The following TULP4 variants were observed in gnomAD, a reference collection of about 807,000 sequenced individuals.
TULP4 encodes TUB like protein 4.
In TULP4, 16 loss-of-function variants were observed where a neutral mutation model predicts 129.0. The ratio of observed to expected loss-of-function variants is 0.12; its 90% confidence interval spans 0.08 to 0.19. The LOEUF is 0.19. Among genes scored for constraint, TULP4 ranks in the 10% least tolerant of loss-of-function variants. The probability of loss-of-function intolerance (pLI) is 1.00; values close to 1 mark genes in which losing one functional copy is unlikely to be tolerated. For synonymous variants in TULP4, 998 were observed against 854.0 expected, an observed-to-expected ratio of 1.17 and a Z score of -2.94; for missense variants, 1,842 against 2,059.1, an observed-to-expected ratio of 0.89 and a Z score of 2.04.
intron 2 of TULP4, among the ~76,000 whole-genome samples, chr6:158,427,470 C>CTTTT (rs1251385882): frequency 1.7e-4 from 17 of 100,678 alleles, no homozygotes; most frequent in East Asian, 2.8e-4. Context: ...AATTATCAGA[C>CTTTT]CTTTTTTTTT....
At chr6:158,327,346 T>C (rs2128490268) in intron 1 of TULP4, among the ~76,000 whole-genome samples, 1 of 152,348 alleles carries the variant, frequency 6.6e-6, no homozygotes, top group Non-Finnish European at 1.5e-5. Flanking sequence ...GTGGAAACGA[T>C]GCTCTTCAGT....
chr6:158,407,028 C>G (rs548334225), intron 1 of TULP4, among the ~76,000 whole-genome samples: 2 of 152,320 alleles, frequency 1.3e-5, no homozygotes, highest in African/African-American at 4.8e-5. Flanking sequence ...TTCACAGATT[C>G]TTGCCAACCA....
At chr6:158,335,274 CAAAAAAAAA>C (rs61418142) in intron 1 of TULP4, among the ~76,000 whole-genome samples, 3 of 121,578 alleles carry the variant, frequency 2.5e-5, no homozygotes, top group East Asian at 2.3e-4. Flanking sequence ...GAGACTGTCT[CAAAAAAAAA>C]AAAAAAAAAA....
intron 1 of TULP4, among the ~76,000 whole-genome samples, chr6:158,244,301 A>G (rs565178922): frequency 1.3e-5 from 2 of 152,200 alleles, no homozygotes. Flanking sequence ...TTTTAAAAGA[A>G]AAAAAACCTA....
In TULP4 at chr6:158,365,637, C is replaced by A. The variant is rs532877444; in HGVS notation, c.253-47428C>A. ...GACTACAGGTGCCCGCCACCATGCC[C>A]AGCTAATTTTTTGTTAGTAGAGAGG... On this transcript the variant is annotated intron_variant, in intron 1 of 13. Coordinates refer to ENST00000367097, the MANE Select transcript of TULP4 (RefSeq NM_020245.5). 3.6e-3 allele frequency among the ~76,000 whole-genome samples: 551 copies of A among 151,296 alleles called. 1 individual carries two copies. The highest frequency in any genetic ancestry group is 8.0e-3 in the African/African-American group (332 of 41,256).
chr6:158,423,848 G>A lies in TULP4; in HGVS notation c.382-5888G>A, dbSNP rs1168425849. ...GTAGAGACGGGGTTTCACCGTGTTAGCCAGGATGGTCTCGATCTCCTGACC... is the reference window on the plus strand; with the variant it reads ...GTAGAGACGGGGTTTCACCGTGTTAACCAGGATGGTCTCGATCTCCTGACC... On this transcript the variant is annotated intron_variant, in intron 2 of 13. Transcript: ENST00000367097. Among the ~76,000 whole-genome samples the A allele has an allele frequency of 2.6e-5, 4 of 152,142 alleles. No homozygotes were observed. The East Asian group carries it at 7.7e-4, about 29-fold the overall frequency.
At chr6:158,271,865 A>C (rs1304263049) in intron 1 of TULP4, among the ~76,000 whole-genome samples, 1 of 152,246 alleles carries the variant, frequency 6.6e-6, no homozygotes, top group Non-Finnish European at 1.5e-5. Context: ...GAAACATTGA[A>C]ATGCTACGTT....
rs561679028 is a variant in TULP4, at chr6:158,509,825, A to G, written c.*3131A>G. ...AAGCTGCGGGCTGTGCGGTCCTAGT[A>G]GTGTGACGTTTCAGTTAATAGTGGT... On this transcript the variant is annotated 3_prime_UTR_variant, in exon 14 of 14. Transcript: ENST00000367097. 1 of 152,352 alleles carries G rather than the reference A, an allele frequency of 6.6e-6. No individual in the cohort carries two copies. Among genetic ancestry groups the G allele is most frequent in the South Asian group, 2.1e-4 (1 of 4,826 alleles). The allele number at this position is 152,352 out of a possible 1,614,324, so 9.4% of individuals were successfully genotyped here.
intron 3 of TULP4, among the ~76,000 whole-genome samples, chr6:158,434,897 C>G (rs1015384838): frequency 6.6e-6 from 1 of 152,174 alleles, no homozygotes; most frequent in South Asian, 2.1e-4. Flanking sequence ...GTGGTAACTT[C>G]TGAATGAAAG....
At chr6:158,419,002 C>G (rs1778277026) in intron 2 of TULP4, among the ~76,000 whole-genome samples, 2 of 152,086 alleles carry the variant, frequency 1.3e-5, no homozygotes, top group African/African-American at 4.8e-5. Context: ...AATGAAAGAG[C>G]TTTTTATTTT....
At chr6:158,300,639 A>G (rs141574720) in intron 1 of TULP4, among the ~76,000 whole-genome samples, 3,287 of 152,332 alleles carry the variant, frequency 0.022, 56 homozygotes, top group Non-Finnish European at 0.03. Flanking sequence ...GCAAGAATAC[A>G]GATGTCTTTT....
chr6:158,501,887 A>G lies in TULP4; in HGVS notation c.2224A>G (p.Thr742Ala). 6.2e-7 allele frequency: 1 copy of G among 1,614,062 alleles called. No homozygotes were observed. The highest frequency in any genetic ancestry group is 8.5e-7 in the Non-Finnish European group (1 of 1,179,980). Residue 742 changes from threonine to alanine, a missense_variant, in exon 13 of 14, where the codon ACC becomes GCC. This residue lies in a region of TULP4 where 1,089 missense variants were observed against 987.1 expected (regional missense o/e 1.10). Transcript: ENST00000367097. ...GTAEHAGDSATQYPVSNRYSN... is the reference protein window; with the variant it reads ...GTAEHAGDSAAQYPVSNRYSN... ...AGCAGAACATGCAGGTGACAGTGCC[A>G]CCCAGTACCCAGTCTCCAACCGGTA...
chr6:158,409,532 C>A (rs1025236963), intron 1 of TULP4, among the ~76,000 whole-genome samples: 3 of 152,162 alleles, frequency 2.0e-5, no homozygotes, highest in Non-Finnish European at 4.4e-5. Context: ...AAAATTCGGG[C>A]AACTGAGAAC....
At chr6:158,285,299 C>T (rs77428090) in intron 1 of TULP4, among the ~76,000 whole-genome samples, 1 of 151,858 alleles carries the variant, frequency 6.6e-6, no homozygotes, top group Admixed American at 6.6e-5. Flanking sequence ...TGTTTATTAA[C>T]AATAAACAAC....
Position 158,503,546 on chromosome 6 carries a change from C to T in TULP4, c.3883C>T (p.Pro1295Ser). Residue 1295 changes from proline to serine, a missense_variant, in exon 13 of 14, where the codon CCA becomes TCA. Transcript: ENST00000367097. This position sits in a 1 kb window ranked among gnomAD's most constrained non-coding sequence, Gnocchi z 4.3. ...LVVEKPLVSP[P>S]PADLQSHLGT... ...GGTGGAGAAGCCCCTTGTGTCCCCA[C>T]CACCTGCCGACCTCCAAAGCCACTT... The T allele has an allele frequency of 6.2e-7, 1 of 1,614,020 alleles. No individual in the cohort carries two copies. Among genetic ancestry groups the T allele is most frequent in the Non-Finnish European group, 8.5e-7 (1 of 1,180,042 alleles).
chr6:158,439,729 T>TTG (rs1205704091), intron 3 of TULP4, among the ~76,000 whole-genome samples: 1 of 112,988 alleles, frequency 8.9e-6, no homozygotes, highest in East Asian at 2.4e-4. Context: ...TTTTTTTTTT[T>TTG]GAGACGGAGT....
At chr6:158,426,492 T>A (rs950582011) in intron 2 of TULP4, among the ~76,000 whole-genome samples, 16 of 51,472 alleles carry the variant, frequency 3.1e-4, no homozygotes, top group South Asian at 3.0e-3. Flanking sequence ...TTCCCCGTTG[T>A]TTGTTTTTGT....
At chr6:158,312,155 T>G (rs1180242693), upstream of TULP4, 1 of 398,440 alleles carries the variant, frequency 2.5e-6, no homozygotes, top group East Asian at 3.6e-5. Flanking sequence ...TGTGTCTATG[T>G]GCATTTAAAA....
At chr6:158,329,808 T>C (rs1230466629) in intron 1 of TULP4, among the ~76,000 whole-genome samples, 3 of 109,966 alleles carry the variant, frequency 2.7e-5, no homozygotes, top group Non-Finnish European at 5.8e-5. Flanking sequence ...TTTCCTTTAA[T>C]TGTGCTTTGA....
Sources: gnomAD v4.1 joint callset for allele counts (sites outside exome capture counted in the v4.1 genomes callset) on GRCh38, gnomAD v4.1.1 for gene constraint, gnomAD v4.1.1 regional missense constraint, Gnocchi (gnomAD v3.1) non-coding constraint, MANE v1.5 for transcripts, NCBI Gene and HGNC (gene_info 2026-07-23, HGNC 2026-07-21) for gene names.